SGMS2: variants seen among roughly 807,000 people sequenced by gnomAD.
The protein encoded by SGMS2 is sphingomyelin synthase 2, also known as phosphatidylcholine:ceramide cholinephosphotransferase 2.
Under a neutral mutation model 43.8 loss-of-function variants are expected in SGMS2, and 21 were observed. That is an observed-to-expected ratio of 0.48 (90% CI 0.34 to 0.69). SGMS2 has a LOEUF of 0.69. Ranked by LOEUF, SGMS2 falls within the 30% of genes least tolerant of loss-of-function variation. The probability of loss-of-function intolerance (pLI) is 0.01; values close to 1 mark genes in which losing one functional copy is unlikely to be tolerated. For synonymous variants in SGMS2, 167 were observed against 160.6 expected (o/e 1.04, Z -0.30); for missense variants, 384 against 443.2 (o/e 0.87, Z 1.20).
chr4:107,830,936 A>G (rs1002365122), intron 1 of SGMS2, among the ~76,000 whole-genome samples: 1 of 152,166 alleles, frequency 6.6e-6, no homozygotes, highest in Non-Finnish European at 1.5e-5. Flanking sequence ...GTGTTGATAA[A>G]TAGTGGTGGT....
intron 1 of SGMS2, among the ~76,000 whole-genome samples, chr4:107,850,617 A>T (rs889143525): frequency 1.3e-5 from 2 of 152,152 alleles, no homozygotes; most frequent in South Asian, 4.1e-4. Context: ...TGAAAATGAC[A>T]TTAGTAACAT....
chr4:107,888,808 A>C (rs1307928633), intron 2 of SGMS2, among the ~76,000 whole-genome samples: 1 of 152,110 alleles, frequency 6.6e-6, no homozygotes, highest in Non-Finnish European at 1.5e-5. Flanking sequence ...TGAAATATCT[A>C]TTATTTAATT....
At chr4:107,854,903 T>C (rs984502625) in intron 1 of SGMS2, among the ~76,000 whole-genome samples, 3 of 152,150 alleles carry the variant, frequency 2.0e-5, no homozygotes, top group African/African-American at 7.2e-5. Context: ...TAAAGTTAAG[T>C]GTCAAATGCT....
intron 1 of SGMS2, among the ~76,000 whole-genome samples, chr4:107,831,860 C>T (rs199574605): frequency 2.6e-5 from 4 of 152,186 alleles, no homozygotes; most frequent in African/African-American, 9.7e-5. Flanking sequence ...AAAAGCTTTT[C>T]AAGCCACAGT....
At chr4:107,873,235 T>C (rs1055773909) in intron 2 of SGMS2, 32 of 152,326 alleles carry the variant, frequency 2.1e-4, no homozygotes, top group African/African-American at 7.5e-4. Context: ...TTTGGAAATA[T>C]TTAGTCACAA....
chr4:107,843,481 T>A (rs1400621797), intron 1 of SGMS2, among the ~76,000 whole-genome samples: 1 of 152,168 alleles, frequency 6.6e-6, no homozygotes. Context: ...GTGTCAGCTG[T>A]GAATTGCCAT....
At chr4:107,881,678 T>C (rs1729366023) in intron 2 of SGMS2, among the ~76,000 whole-genome samples, 1 of 152,148 alleles carries the variant, frequency 6.6e-6, no homozygotes, top group Non-Finnish European at 1.5e-5. Flanking sequence ...AGTCACCCTG[T>C]TCTATCAAAT....
At chr4:107,898,100 G>A (rs927557659) in intron 3 of SGMS2, among the ~76,000 whole-genome samples, 1 of 152,132 alleles carries the variant, frequency 6.6e-6, no homozygotes, top group Admixed American at 6.6e-5. Flanking sequence ...TGGATCAAAG[G>A]CTAAATTGGT....
intron 2 of SGMS2, among the ~76,000 whole-genome samples, chr4:107,868,670 A>G (rs1296677045): frequency 6.6e-6 from 1 of 151,956 alleles, no homozygotes; most frequent in Non-Finnish European, 1.5e-5. Flanking sequence ...GTGAGCCGAG[A>G]TCGTGCCACT....
Position 107,901,859 on chromosome 4 carries a change from T to C in SGMS2, c.574-1374T>C, listed in dbSNP as rs116353242. On this transcript the variant is annotated intron_variant, in intron 4 of 6. Coordinates refer to ENST00000690982, the MANE Select transcript of SGMS2 (RefSeq NM_001375905.1). ...CCTGAGAAAGCTTTCTAGGGCGAGC[T>C]ATCCCTCATCTTGGCCATAGGTGGC... Among the ~76,000 whole-genome samples the C allele has an allele frequency of 6.6e-3, 1,011 of 152,044 alleles. 10 individuals are homozygous for C. Among genetic ancestry groups the C allele is most frequent in the African/African-American group, 0.023 (942 of 41,518 alleles).
At chr4:107,871,261 TA>T (rs759446625) in intron 2 of SGMS2, among the ~76,000 whole-genome samples, 12 of 152,210 alleles carry the variant, frequency 7.9e-5, no homozygotes, top group Non-Finnish European at 1.6e-4. Context: ...TTTTTATCTA[TA>T]TACCCTAGAC....
At chr4:107,858,315 A>G (rs1033345652) in intron 1 of SGMS2, among the ~76,000 whole-genome samples, 157 bp from the exon 2 acceptor site, 1 of 152,148 alleles carries the variant, frequency 6.6e-6, no homozygotes, top group East Asian at 1.9e-4. Flanking sequence ...TGTTATAGCC[A>G]GTGTTTTCCT....
At position 107,902,050 on chromosome 4, in the gene SGMS2, G is replaced by A. The variant is rs930811926; in HGVS notation, c.574-1183G>A. Among the ~76,000 whole-genome samples the A allele has an allele frequency of 1.3e-4, 20 of 151,998 alleles. No individual in the cohort carries two copies. The South Asian group carries it at 3.5e-3, about 27-fold the overall frequency. On this transcript the variant is annotated intron_variant, in intron 4 of 6. Transcript: ENST00000690982. ...GCCTCCCAAGTAGCTGGGATTACAGGCATGTGCCACCATACCTGGCTAATT... is the reference window on the plus strand; with the variant it reads ...GCCTCCCAAGTAGCTGGGATTACAGACATGTGCCACCATACCTGGCTAATT...
At chr4:107,894,624 AC>A (rs939065752) in intron 2 of SGMS2, among the ~76,000 whole-genome samples, 6 of 152,158 alleles carry the variant, frequency 3.9e-5, no homozygotes, top group Non-Finnish European at 8.8e-5. Context: ...TCTACTTGTT[AC>A]CTGCGTGAGA....
At chr4:107,865,595 A>T (rs1215026550) in intron 2 of SGMS2, among the ~76,000 whole-genome samples, 1 of 152,204 alleles carries the variant, frequency 6.6e-6, no homozygotes, top group Non-Finnish European at 1.5e-5. Flanking sequence ...ATATTCTTTC[A>T]TGTTGGCCTC....
chr4:107,842,895 T>C (rs1726604285), intron 1 of SGMS2, among the ~76,000 whole-genome samples: 1 of 152,198 alleles, frequency 6.6e-6, no homozygotes, highest in African/African-American at 2.4e-5. Flanking sequence ...GGCAGGAAAA[T>C]TATGAAACTA....
At chr4:107,840,062 AT>A (rs1178308968) in intron 1 of SGMS2, among the ~76,000 whole-genome samples, 6 of 152,346 alleles carry the variant, frequency 3.9e-5, no homozygotes, top group African/African-American at 1.2e-4. Flanking sequence ...ACTACGTTTA[AT>A]AGAAAACTGA....
intron 2 of SGMS2, chr4:107,867,842 C>G (rs1728243133): frequency 6.6e-6 from 1 of 151,842 alleles, no homozygotes; most frequent in Non-Finnish European, 1.5e-5. Flanking sequence ...TGTGTATTAC[C>G]CTTGTGCGGG....
chr4:107,893,448 C>G (rs531222058), intron 2 of SGMS2: 1 of 152,178 alleles, frequency 6.6e-6, no homozygotes, highest in Non-Finnish European at 1.5e-5. Context: ...TTCGGACCTC[C>G]GTTAGAAGTA....
Sources: gnomAD v4.1 joint callset for allele counts (sites outside exome capture counted in the v4.1 genomes callset) on GRCh38, gnomAD v4.1.1 for gene constraint, MANE v1.5 for transcripts, NCBI Gene and HGNC (gene_info 2026-07-23, HGNC 2026-07-21) for gene names.